The following IDI1 variants were observed in gnomAD, a reference collection of about 807,000 sequenced individuals.
IDI1 encodes isopentenyl-diphosphate Delta-isomerase 1.
Under a neutral mutation model 32.9 loss-of-function variants are expected in IDI1, and 23 were observed. The observed-to-expected ratio is 0.70, with a 90% CI of 0.50 to 0.99. The LOEUF (loss-of-function observed/expected upper bound fraction) is 0.99, where lower values mean the gene tolerates loss of function less well. IDI1 is among the 50% of genes least tolerant of loss of function. The pLI is 0.00. For synonymous variants in IDI1, 133 were observed against 128.2 expected (o/e 1.04, Z -0.25); for missense variants, 326 against 351.9 (o/e 0.93, Z 0.59).
chr10:1,045,441 C>CT (rs1439896564), intron 1 of IDI1, among the ~76,000 whole-genome samples: 1 of 152,222 alleles, frequency 6.6e-6, no homozygotes, highest in African/African-American at 2.4e-5. Context: ...CTATGTGACT[C>CT]TATTTCAAAT....
the IDI1 span, among the ~76,000 whole-genome samples, chr10:1,054,902 G>A: frequency 1.3e-5 from 2 of 152,190 alleles, no homozygotes; most frequent in Non-Finnish European, 2.9e-5. Context: ...TGTGCAGACA[G>A]ACACGGACAT....
chr10:1,053,160 C>T (rs1388787506), upstream of IDI1, among the ~76,000 whole-genome samples: 1 of 152,106 alleles, frequency 6.6e-6, no homozygotes, highest in African/African-American at 2.4e-5. Flanking sequence ...TGCCACCACA[C>T]CCAGTTAATT....
intron 1 of IDI1, among the ~76,000 whole-genome samples, chr10:1,048,027 CG>C (rs1473863685): frequency 6.6e-6 from 1 of 151,788 alleles, no homozygotes; most frequent in Non-Finnish European, 1.5e-5. Flanking sequence ...ACTTTTTTTC[CG>C]GGGGGATGGG....
intron 1 of IDI1, chr10:1,048,542 C>T (rs1832873686): frequency 3.1e-6 from 4 of 1,304,582 alleles, no homozygotes; most frequent in Non-Finnish European, 3.9e-6. Context: ...TCTCCTGCGA[C>T]TCGGTTTCCA....
chr10:1,055,200 G>A, the IDI1 span, among the ~76,000 whole-genome samples: 79 of 152,272 alleles, frequency 5.2e-4, no homozygotes, highest in South Asian at 7.3e-3. Flanking sequence ...GACTTTTGAC[G>A]AGTAATTTCC....
At chr10:1,042,043 G>A (rs1832613109) in intron 4 of IDI1, among the ~76,000 whole-genome samples, 1 of 152,014 alleles carries the variant, frequency 6.6e-6, no homozygotes, top group East Asian at 1.9e-4. Context: ...TCCTGACCTC[G>A]TGATCCACCT....
chr10:1,041,789 G>T (rs1832599782), intron 4 of IDI1, among the ~76,000 whole-genome samples: 1 of 148,348 alleles, frequency 6.7e-6, no homozygotes. Flanking sequence ...AACTAGAAAT[G>T]TGACATTCTT....
At chr10:1,054,783 T>C in the IDI1 span, among the ~76,000 whole-genome samples, 11 of 152,232 alleles carry the variant, frequency 7.2e-5, no homozygotes, top group African/African-American at 2.7e-4. Context: ...AATGTGACCT[T>C]ATTTGGAAAC....
intron 1 of IDI1, among the ~76,000 whole-genome samples, chr10:1,048,082 C>G (rs1230743327): frequency 6.6e-6 from 1 of 152,042 alleles, no homozygotes; most frequent in Non-Finnish European, 1.5e-5. Flanking sequence ...AGTGCAGTGG[C>G]GCGATCTCGG....
Position 1,041,255 on chromosome 10 carries a change from A to G in IDI1, c.787T>C (p.Phe263Leu), listed in dbSNP as rs767511572. Residue 263 changes from phenylalanine (F) to leucine (L), a missense_variant, in exon 5 of 5, where the codon TTT becomes CTT. Physicochemically the swap from Phe to Leu is conservative, Grantham distance 22. Coordinates refer to ENST00000381344, the MANE Select transcript of IDI1 (RefSeq NM_004508.4). ...TGATTTAAGTTATCCCACCATTTAA[A>G]GAGAAAAGTCGCTGCAATAATTTTA... ...WFKIIAATFL[F>L]KWWDNLNHLN... is the part of the protein sequence containing the mutation. The G allele has an allele frequency of 6.2e-6, 10 of 1,613,236 alleles. No individual in the cohort carries two copies. The African/African-American group carries it at 1.3e-4, about 22-fold the overall frequency.
intron 1 of IDI1, among the ~76,000 whole-genome samples, chr10:1,046,426 T>G (rs1473763789): frequency 6.6e-6 from 1 of 152,178 alleles, no homozygotes; most frequent in Non-Finnish European, 1.5e-5. Context: ...TGTCCAAATT[T>G]AGGCCTGAAG....
rs1832902018 is a variant in IDI1 at position 1,049,033 on chromosome 10, TGAC to T, written c.-33_-31del. 10 of 1,466,098 alleles carry T rather than the reference TGAC, an allele frequency of 6.8e-6. No homozygotes were observed. Among genetic ancestry groups the T allele is most frequent in the African/African-American group, 1.5e-5 (1 of 67,844 alleles). 90.8% of individuals were successfully genotyped at this position (1,466,098 alleles called of 1,614,324 possible). On this transcript the variant is annotated 5_prime_UTR_variant, in exon 1 of 5. Coordinates refer to ENST00000381344, the MANE Select transcript of IDI1 (RefSeq NM_004508.4). ...CGGCCAATTGGCGCCCGTACGCGCT[TGAC>T]GACACAATCTCGCCAAGCTTCGCCT...
intron 1 of IDI1, chr10:1,048,194 C>G (rs1832857942): frequency 7.9e-7 from 1 of 1,260,658 alleles, no homozygotes; most frequent in Non-Finnish European, 1.1e-6. Context: ...TTTCAGAATT[C>G]AGATTTTAAA....
At chr10:1,048,413 G>A (rs1042005496) in intron 1 of IDI1, 63 of 1,299,400 alleles carry the variant, frequency 4.8e-5, no homozygotes, top group Non-Finnish European at 5.9e-5. Flanking sequence ...GCAGGTGTAT[G>A]CACCCGCGTC....
In IDI1 at chr10:1,048,669, G is replaced by A. The variant is rs568885178; in HGVS notation, c.140+195C>T. 1.6e-4 allele frequency: 221 copies of A among 1,409,856 alleles called. 3 individuals carry two copies. In the South Asian group the frequency reaches 3.0e-3, roughly 19 times the overall value. 87.3% of individuals were successfully genotyped at this position (1,409,856 alleles called of 1,614,324 possible). ...ACGCCTCCGCCTTCCACGGGGCGCG[G>A]GCGCCCACCACAGCCCGGGAAGGCC... is the stretch of plus-strand genomic sequence containing the variant. On this transcript the variant is annotated intron_variant, in intron 1 of 4. Transcript: ENST00000381344.
chr10:1,056,160 A>G, the IDI1 span, among the ~76,000 whole-genome samples: 2 of 152,278 alleles, frequency 1.3e-5, 1 homozygote, highest in South Asian at 4.2e-4. Context: ...ACAGAAAAAA[A>G]AAATGCTTTC....
upstream of IDI1, among the ~76,000 whole-genome samples, chr10:1,050,925 A>T (rs1832993946): frequency 6.6e-6 from 1 of 152,256 alleles, no homozygotes; most frequent in African/African-American, 2.4e-5. Context: ...AAAATTGAGA[A>T]GTATTTTTTA....
chr10:1,042,906 TAAG>T, intron 3 of IDI1, 144 bp from the exon 4 acceptor site: 1 of 695,590 alleles, frequency 1.4e-6, no homozygotes, highest in Non-Finnish European at 2.4e-6. Flanking sequence ...GTAATTATTT[TAAG>T]GATTTTAAAA....
In IDI1 at chr10:1,041,495, C is replaced by A. The variant is rs1832584048; in HGVS notation, c.547G>T (p.Glu183Ter). 2 of 1,549,284 alleles carry A rather than the reference C, an allele frequency of 1.3e-6. No individual in the cohort carries two copies. Among genetic ancestry groups the A allele is most frequent in the African/African-American group, 2.8e-5 (2 of 71,484 alleles). ...ATTCGTGTTAAATAATTAATTTCTT[C>A]TGGAGGAACCTAAGACATTAAAAAA... ...LGIPLEEVPP[E>*]EINYLTRIHY... is the part of the protein sequence containing the mutation. Residue 183 changes from glutamate to a stop codon, truncating the protein, a stop_gained, in exon 5 of 5, where the codon GAA becomes TAA. Coordinates refer to ENST00000381344, the MANE Select transcript of IDI1 (RefSeq NM_004508.4). LOFTEE classifies it high-confidence loss of function.
Sources: allele counts gnomAD v4.1 joint callset (sites outside exome capture counted in the v4.1 genomes callset), GRCh38; gene constraint gnomAD v4.1.1; transcripts MANE v1.5; gene names NCBI Gene and HGNC (gene_info 2026-07-23, HGNC 2026-07-21).